UBE2E3: variants seen among roughly 807,000 people sequenced by gnomAD.
The protein encoded by UBE2E3 is ubiquitin conjugating enzyme E2 E3.
UBE2E3 carries 5 observed loss-of-function variants against 23.6 expected under a neutral mutation model. That is an observed-to-expected ratio of 0.21 (90% confidence interval 0.11 to 0.44). UBE2E3 has a LOEUF of 0.44. Ranked by LOEUF, UBE2E3 falls within the 20% of genes least tolerant of loss-of-function variation. The probability of loss-of-function intolerance (pLI) is 0.99; values close to 1 mark genes in which losing one functional copy is unlikely to be tolerated. For synonymous variants in UBE2E3, 78 were observed against 87.5 expected (o/e 0.89, Z 0.60); for missense variants, 81 against 249.8 (o/e 0.32, Z 4.55).
chr2:181,056,123 T>G (rs1559136792), intron 3 of UBE2E3, among the ~76,000 whole-genome samples: 1 of 146,792 alleles, frequency 6.8e-6, no homozygotes, highest in East Asian at 2.0e-4. Flanking sequence ...TGCAAGGATA[T>G]AGGAGTCATT....
At chr2:181,047,347 T>C (rs1464975884) in intron 3 of UBE2E3, among the ~76,000 whole-genome samples, 2 of 152,134 alleles carry the variant, frequency 1.3e-5, no homozygotes, top group African/African-American at 4.8e-5. Flanking sequence ...TCATCCCACC[T>C]GCAGGACATT....
chr2:180,989,191 C>T (rs62180081), intron 3 of UBE2E3, among the ~76,000 whole-genome samples: 35,247 of 151,986 alleles, frequency 0.23, 4,450 homozygotes, highest in Non-Finnish European at 0.28. Context: ...TATTTTTCAA[C>T]AAGCTAATAG....
At chr2:181,056,235 C>T (rs1348004836) in intron 3 of UBE2E3, among the ~76,000 whole-genome samples, 2 of 151,650 alleles carry the variant, frequency 1.3e-5, no homozygotes, top group Non-Finnish European at 2.9e-5. Flanking sequence ...GAGACCATAC[C>T]AGTAATACTT....
intron 3 of UBE2E3, among the ~76,000 whole-genome samples, chr2:181,031,853 A>G (rs2105647901): frequency 6.6e-6 from 1 of 152,276 alleles, no homozygotes; most frequent in East Asian, 1.9e-4. Context: ...TGATTGTGAA[A>G]CAGTTTAATT....
chr2:181,012,250 A>G (rs770216653), intron 3 of UBE2E3, among the ~76,000 whole-genome samples: 1 of 152,206 alleles, frequency 6.6e-6, no homozygotes, highest in Non-Finnish European at 1.5e-5. Flanking sequence ...ATAACAAAGT[A>G]TACATGTACT....
At chr2:181,016,230 G>A (rs977512393) in intron 3 of UBE2E3, among the ~76,000 whole-genome samples, 2 of 151,650 alleles carry the variant, frequency 1.3e-5, no homozygotes, top group African/African-American at 4.8e-5. Context: ...ATACCTTTTT[G>A]GGGTTTAAAT....
chr2:180,990,687 G>A (rs62180082), intron 3 of UBE2E3, among the ~76,000 whole-genome samples: 33,951 of 152,022 alleles, frequency 0.22, 4,279 homozygotes, highest in Non-Finnish European at 0.28. Flanking sequence ...ATATCCCTGC[G>A]TGATCTAGCT....
intron 3 of UBE2E3, among the ~76,000 whole-genome samples, chr2:181,050,184 A>G (rs767934836): frequency 1.3e-4 from 19 of 151,936 alleles, no homozygotes; most frequent in Admixed American, 3.3e-4. Flanking sequence ...TCTGATCACT[A>G]TTTCCTGAAC....
Position 181,060,953 on chromosome 2 carries a change from T to G in UBE2E3, c.526+141T>G. On this transcript the variant is annotated intron_variant, in intron 5 of 5. Transcript: ENST00000410062. ...ATAGAAAGATCCCCATAAAACAGTT[T>G]GTGAGGAAATTACCAATGCCATTTG... The G allele has an allele frequency of 3.3e-6, 3 of 913,264 alleles. No homozygotes were observed. In the East Asian group the frequency reaches 9.2e-5, roughly 28 times the overall value. 56.6% of individuals were successfully genotyped at this position (913,264 alleles called of 1,614,324 possible).
chr2:181,024,400 G>A (rs1415460576), intron 3 of UBE2E3, among the ~76,000 whole-genome samples: 1 of 152,068 alleles, frequency 6.6e-6, no homozygotes, highest in Non-Finnish European at 1.5e-5. Flanking sequence ...TTTCAAAAAG[G>A]AAGGAAAATT....
intron 3 of UBE2E3, among the ~76,000 whole-genome samples, chr2:181,012,700 C>G (rs779060058): frequency 6.6e-6 from 1 of 152,068 alleles, no homozygotes; most frequent in Non-Finnish European, 1.5e-5. Flanking sequence ...ATACCCATAT[C>G]CCTAGTTGTT....
intron 3 of UBE2E3, among the ~76,000 whole-genome samples, chr2:181,042,609 A>G (rs1686549252): frequency 6.6e-6 from 1 of 152,178 alleles, no homozygotes; most frequent in Non-Finnish European, 1.5e-5. Flanking sequence ...AACAGGTTAG[A>G]ATTCAGGTTC....
intron 3 of UBE2E3, among the ~76,000 whole-genome samples, chr2:180,988,114 T>C (rs1013915997): frequency 1.3e-5 from 2 of 152,120 alleles, no homozygotes; most frequent in South Asian, 2.1e-4. Flanking sequence ...AATAGGGTTA[T>C]TGTGAGGATT....
intron 3 of UBE2E3, among the ~76,000 whole-genome samples, chr2:181,005,205 T>C (rs901191648): frequency 6.6e-6 from 1 of 152,194 alleles, no homozygotes; most frequent in African/African-American, 2.4e-5. Flanking sequence ...CTTTCCTTCC[T>C]CTTAGTTGAC....
rs1445212824 is a variant in UBE2E3, at chr2:180,982,074, A to T, written c.32A>T (p.Glu11Val). 6.2e-7 allele frequency: 1 copy of T among 1,606,774 alleles called. No homozygotes were observed. The highest frequency in any genetic ancestry group is 8.5e-7 in the Non-Finnish European group (1 of 1,177,816). Residue 11 changes from glutamate to valine, a missense_variant, in exon 2 of 6, where the codon GAG (glutamate) becomes GTG (valine). Coordinates refer to ENST00000410062, the MANE Select transcript of UBE2E3 (RefSeq NM_006357.4). MSSDRQRSDD[E>V]SPSTSSGSSD... ...AGTGATAGGCAAAGGTCCGATGATG[A>T]GAGCCCCAGCACCAGCAGTGGCAGT... is the stretch of plus-strand genomic sequence containing the variant.
intron 3 of UBE2E3, among the ~76,000 whole-genome samples, chr2:181,034,451 C>G (rs1394362183): frequency 1.4e-4 from 22 of 152,222 alleles, no homozygotes; most frequent in Admixed American, 1.2e-3. Context: ...ACCACAGGTT[C>G]TCACTCATAG....
chr2:181,052,663 G>T (rs529676753), intron 3 of UBE2E3, among the ~76,000 whole-genome samples: 1 of 151,788 alleles, frequency 6.6e-6, no homozygotes, highest in Admixed American at 6.6e-5. Flanking sequence ...CCTTTTTATT[G>T]TCTAGCAATA....
intron 3 of UBE2E3, among the ~76,000 whole-genome samples, chr2:181,005,860 A>C (rs1398424808): frequency 6.6e-6 from 1 of 152,180 alleles, no homozygotes; most frequent in Non-Finnish European, 1.5e-5. Flanking sequence ...TTAGTTTTTC[A>C]AATGGCTTTA....
rs548104871 is a variant in UBE2E3, at chr2:180,990,833, T to A, written c.245+6740T>A. On this transcript the variant is annotated intron_variant, in intron 3 of 5. Coordinates refer to ENST00000410062, the MANE Select transcript of UBE2E3 (RefSeq NM_006357.4). ...TAGAAATGTGTGCTCTTCATTTGGGTTTTATTTTCATCATTATGACAATAC... is the reference window on the plus strand; with the variant it reads ...TAGAAATGTGTGCTCTTCATTTGGGATTTATTTTCATCATTATGACAATAC... Among the ~76,000 whole-genome samples the A allele has an allele frequency of 3.9e-5, 6 of 152,310 alleles. 1 individual carries two copies. The South Asian group carries it at 1.2e-3, about 32-fold the overall frequency.
Sources: gnomAD v4.1 joint callset for allele counts (sites outside exome capture counted in the v4.1 genomes callset) on GRCh38, gnomAD v4.1.1 for gene constraint, MANE v1.5 for transcripts, NCBI Gene and HGNC (gene_info 2026-07-23, HGNC 2026-07-21) for gene names.